Variants in NUP133 observed in about 807,000 individuals in gnomAD.
The protein encoded by NUP133 is nuclear pore complex protein Nup133.
A neutral mutation model predicts 146.2 loss-of-function variants in NUP133; 66 were observed. The ratio of observed to expected loss-of-function variants is 0.45; its 90% CI spans 0.37 to 0.55. NUP133 has a LOEUF of 0.55. Ranked by LOEUF, NUP133 falls within the 20% of genes least tolerant of loss-of-function variation. The pLI is 0.00. For synonymous variants in NUP133, 521 were observed against 498.8 expected (o/e 1.04, Z -0.59); for missense variants, 1,277 against 1,374.8 (o/e 0.93, Z 1.12).
intron 12 of NUP133, among the ~76,000 whole-genome samples, chr1:229,480,200 T>C (rs1031271993): frequency 6.6e-6 from 1 of 152,198 alleles, no homozygotes; most frequent in Non-Finnish European, 1.5e-5. Context: ...CAAGGGCTTC[T>C]GTGATCTCTG....
At chr1:229,481,783 A>G (rs920349096) in intron 12 of NUP133, among the ~76,000 whole-genome samples, 2 of 152,050 alleles carry the variant, frequency 1.3e-5, no homozygotes, top group Admixed American at 6.5e-5. Context: ...CTACAAACCA[A>G]GGATTGCTAG....
chr1:229,494,182 G>A (rs2102780469), intron 8 of NUP133, among the ~76,000 whole-genome samples: 1 of 152,156 alleles, frequency 6.6e-6, no homozygotes, highest in Middle Eastern at 3.4e-3. Flanking sequence ...GCCCATAGTG[G>A]GCTGTCCTAG....
chr1:229,451,156 T>C (rs1372490460), intron 22 of NUP133: 5 of 152,124 alleles, frequency 3.3e-5, no homozygotes, highest in South Asian at 4.2e-4. Context: ...CCCAGCTCTT[T>C]GGGAGGCCGA....
chr1:229,497,500 G>A (rs887409752), intron 6 of NUP133, among the ~76,000 whole-genome samples: 2 of 152,198 alleles, frequency 1.3e-5, no homozygotes, highest in African/African-American at 4.8e-5. Flanking sequence ...AAACAGCACA[G>A]TAAAAAGAGC....
At chr1:229,456,672 G>A (rs1660565127) in intron 21 of NUP133, among the ~76,000 whole-genome samples, 1 of 151,982 alleles carries the variant, frequency 6.6e-6, no homozygotes, top group South Asian at 2.1e-4. Flanking sequence ...TGCTACTGGG[G>A]TGTCACTGCA....
rs200589966 is a variant in NUP133, at chr1:229,475,679, T to C, written c.1810A>G (p.Lys604Glu). The C allele has an allele frequency of 6.2e-7, 1 of 1,614,230 alleles. No individual in the cohort carries two copies. The highest frequency in any genetic ancestry group is 1.3e-5 in the African/African-American group (1 of 75,072). Residue 604 changes from lysine (K) to glutamate (E), a missense_variant, in exon 14 of 26, where the codon AAG (lysine) becomes GAG (glutamate). By Grantham distance (56) the Lys-to-Glu change is moderately conservative. This residue lies in a region of NUP133 where 952 missense variants were observed against 1,047.0 expected (regional missense o/e 0.91). Transcript: ENST00000261396. ...ATAAGAAAAGAGTGAGCTTTCATCT[T>C]GTCTTCTAGCTGGTGAAGGATAATC... Reference protein sequence around the residue: ...SLIILHQLEDKMKAHSFLMDF... With the variant: ...SLIILHQLEDEMKAHSFLMDF...
intron 15 of NUP133, among the ~76,000 whole-genome samples, chr1:229,467,923 C>CA (rs1368540952): frequency 0.071 from 5,046 of 70,670 alleles, 191 homozygotes; most frequent in East Asian, 0.15. Context: ...GACTCAGTCT[C>CA]AAAAAAAAAA....
chr1:229,443,723 A>ATTTTTTT (rs71561738), intron 25 of NUP133, among the ~76,000 whole-genome samples: 2 of 116,160 alleles, frequency 1.7e-5, no homozygotes, highest in South Asian at 2.6e-4. Context: ...CACATATATA[A>ATTTTTTT]TTTTTTTTTT....
intron 9 of NUP133, among the ~76,000 whole-genome samples, chr1:229,488,964 T>C (rs1661435331): frequency 6.6e-6 from 1 of 152,250 alleles, no homozygotes; most frequent in African/African-American, 2.4e-5. Flanking sequence ...ACATGTTTAA[T>C]TGCTATTAAT....
chr1:229,470,893 G>A, intron 14 of NUP133, 89 bp from the exon 15 acceptor site: 1 of 1,115,520 alleles, frequency 9.0e-7, no homozygotes, highest in South Asian at 1.4e-5. Flanking sequence ...AGCACCCTGG[G>A]CAGTCACTGG....
chr1:229,506,164 G>T lies in NUP133; in HGVS notation c.183-6C>A. On this transcript the variant is annotated splice_region_variant and splice_polypyrimidine_tract_variant and intron_variant, in intron 1 of 25. Transcript: ENST00000261396. ...ACATTCGTGTTGGTGTTCCCCTAAA[G>T]AAAAGAGTCTATATTACCTTACTTG... The T allele has an allele frequency of 6.5e-7, 1 of 1,535,070 alleles. No homozygotes were observed. Among genetic ancestry groups the T allele is most frequent in the South Asian group, 1.1e-5 (1 of 88,146 alleles).
chr1:229,463,339 T>C (rs549707713), intron 19 of NUP133, among the ~76,000 whole-genome samples: 18 of 152,102 alleles, frequency 1.2e-4, no homozygotes, highest in African/African-American at 4.3e-4. Flanking sequence ...ACCCAGGAGG[T>C]TGAGGCTGTC....
At chr1:229,503,387 T>C (rs1661854714) in intron 2 of NUP133, among the ~76,000 whole-genome samples, 1 of 152,184 alleles carries the variant, frequency 6.6e-6, no homozygotes, top group African/African-American at 2.4e-5. Flanking sequence ...GAAAACAATG[T>C]GCTTTTGGAG....
intron 14 of NUP133, among the ~76,000 whole-genome samples, chr1:229,472,519 C>A (rs1297303333): frequency 6.7e-6 from 1 of 148,702 alleles, no homozygotes; most frequent in Non-Finnish European, 1.5e-5. Flanking sequence ...GTAATGTGTA[C>A]AAAAAATACA....
chr1:229,450,419 C>G, intron 23 of NUP133, 106 bp downstream of exon 23: 2 of 557,094 alleles, frequency 3.6e-6, no homozygotes, highest in Middle Eastern at 4.8e-4. Flanking sequence ...ACCACAGATA[C>G]AGTCTTTTTT....
intron 8 of NUP133, among the ~76,000 whole-genome samples, chr1:229,493,325 C>T (rs1052439845): frequency 3.3e-5 from 5 of 152,154 alleles, no homozygotes; most frequent in African/African-American, 1.2e-4. Context: ...CTATGGTACA[C>T]ACCATCACGC....
chr1:229,443,888 T>C (rs1461549296), intron 25 of NUP133, among the ~76,000 whole-genome samples: 17 of 142,532 alleles, frequency 1.2e-4, no homozygotes, highest in Non-Finnish European at 2.3e-4. Flanking sequence ...ACCCCTGTGC[T>C]CAACTCTTTT....
intron 13 of NUP133, among the ~76,000 whole-genome samples, 159 bp from the exon 14 acceptor site, chr1:229,475,891 C>T (rs1340685040): frequency 3.3e-5 from 5 of 152,094 alleles, no homozygotes; most frequent in African/African-American, 4.8e-5. Context: ...GGGCAGATCA[C>T]GAGGTCAAGA....
intron 24 of NUP133, among the ~76,000 whole-genome samples, chr1:229,446,916 G>A (rs911805096): frequency 1.3e-5 from 2 of 152,056 alleles, no homozygotes; most frequent in African/African-American, 4.8e-5. Flanking sequence ...CACAAGGTCA[G>A]GAGTTCGAGA....
Sources: allele counts gnomAD v4.1 joint callset (sites outside exome capture counted in the v4.1 genomes callset), GRCh38; gene constraint gnomAD v4.1.1; regional missense constraint gnomAD v4.1.1; transcripts MANE v1.5; gene names NCBI Gene and HGNC (gene_info 2026-07-23, HGNC 2026-07-21).